Variants in ZNF704 observed in about 807,000 individuals in gnomAD.
ZNF704 encodes zinc finger protein 704, also known as glucocorticoid induced gene 1.
Under a neutral mutation model 44.7 loss-of-function variants are expected in ZNF704, and 10 were observed. The ratio of observed to expected loss-of-function variants is 0.22; its 90% CI spans 0.14 to 0.38. The LOEUF is 0.38. ZNF704 is among the 10% of genes least tolerant of loss of function. The probability of loss-of-function intolerance (pLI) is 1.00; values close to 1 mark genes in which losing one functional copy is unlikely to be tolerated. For missense variants in ZNF704, 390 were observed against 545.5 expected (o/e 0.71, Z 2.84); for synonymous variants, 211 against 207.6 (o/e 1.02, Z -0.14).
chr8:80,781,550 C>T (rs1010696928), intron 2 of ZNF704, among the ~76,000 whole-genome samples: 9 of 152,212 alleles, frequency 5.9e-5, no homozygotes, highest in African/African-American at 4.8e-5. Flanking sequence ...AGTTTGCCAA[C>T]CTCAGCTTAA....
chr8:80,698,341 T>C (rs1818757042), intron 2 of ZNF704, among the ~76,000 whole-genome samples: 1 of 152,128 alleles, frequency 6.6e-6, no homozygotes, highest in Non-Finnish European at 1.5e-5. Context: ...GAAGTGAGTA[T>C]GGGTGTTGCC....
intron 2 of ZNF704, among the ~76,000 whole-genome samples, chr8:80,706,192 G>T (rs73693833): frequency 6.6e-6 from 1 of 152,162 alleles, no homozygotes. Flanking sequence ...GTATGTTATT[G>T]CTTGGAGCCT....
intron 2 of ZNF704, among the ~76,000 whole-genome samples, chr8:80,798,398 G>A (rs888364935): frequency 3.9e-5 from 6 of 152,094 alleles, no homozygotes; most frequent in African/African-American, 1.4e-4. Context: ...TAGGATTACA[G>A]GCACTAGCCA....
chr8:80,676,562 C>A (rs1437834609), intron 4 of ZNF704, among the ~76,000 whole-genome samples: 2 of 152,142 alleles, frequency 1.3e-5, no homozygotes, highest in Non-Finnish European at 2.9e-5. Flanking sequence ...ATGACTGTTT[C>A]TAATTTTTCA....
Position 80,628,751 on chromosome 8 carries a change from T to C in ZNF704, c.*12615A>G, listed in dbSNP as rs192717105. 1.3e-4 allele frequency: 20 copies of C among 152,336 alleles called. No homozygotes were observed. The highest frequency in any genetic ancestry group is 3.6e-4 in the African/African-American group (15 of 41,576). The allele number at this position is 152,336 out of a possible 1,614,324, so 9.4% of individuals were successfully genotyped here. ...AGACGATTACTAAAGTGATTCTGACTATAAGCCTTTTCTTCTACTTAAATG... is the reference window on the plus strand; with the variant it reads ...AGACGATTACTAAAGTGATTCTGACCATAAGCCTTTTCTTCTACTTAAATG... On this transcript the variant is annotated 3_prime_UTR_variant, in exon 9 of 9. Coordinates refer to ENST00000327835, the MANE Select transcript of ZNF704 (RefSeq NM_001033723.3).
At chr8:80,688,559 T>C (rs971926845) in intron 3 of ZNF704, among the ~76,000 whole-genome samples, 1 of 152,100 alleles carries the variant, frequency 6.6e-6, no homozygotes, top group Non-Finnish European at 1.5e-5. Context: ...CAGGAAGAGG[T>C]TGGACCTATT....
At chr8:80,669,783 T>C (rs536775680) in intron 5 of ZNF704, among the ~76,000 whole-genome samples, 9 of 152,288 alleles carry the variant, frequency 5.9e-5, no homozygotes, top group Non-Finnish European at 8.8e-5. Flanking sequence ...CTGGGCAAGA[T>C]AGACTCAGGG....
chr8:80,790,837 G>A (rs774489504), intron 2 of ZNF704, among the ~76,000 whole-genome samples: 1 of 152,148 alleles, frequency 6.6e-6, no homozygotes, highest in Admixed American at 6.5e-5. Context: ...GAGGGGCAAA[G>A]TGAGAAGAGG....
At chr8:80,771,475 G>A (rs932999108) in intron 2 of ZNF704, among the ~76,000 whole-genome samples, 1 of 152,086 alleles carries the variant, frequency 6.6e-6, no homozygotes. Flanking sequence ...AAATGATACT[G>A]TATTTTAAAT....
chr8:80,671,063 T>C (rs180815039), intron 4 of ZNF704, among the ~76,000 whole-genome samples: 1 of 152,232 alleles, frequency 6.6e-6, no homozygotes, highest in South Asian at 2.1e-4. Flanking sequence ...CCAGGGACTC[T>C]GGCTCCAGAA....
chr8:80,843,739 A>G (rs1228947766), intron 1 of ZNF704, among the ~76,000 whole-genome samples: 1 of 152,184 alleles, frequency 6.6e-6, no homozygotes, highest in Admixed American at 6.5e-5. Flanking sequence ...AAGACTTCAA[A>G]GAAGATAAAA....
chr8:80,779,626 T>C (rs1186835378), intron 2 of ZNF704, among the ~76,000 whole-genome samples: 1 of 152,068 alleles, frequency 6.6e-6, no homozygotes, highest in Non-Finnish European at 1.5e-5. Flanking sequence ...TTTCTTTTAG[T>C]CATCTTCACT....
intron 2 of ZNF704, among the ~76,000 whole-genome samples, chr8:80,717,666 C>T (rs1469757060): frequency 2.0e-5 from 3 of 152,204 alleles, no homozygotes; most frequent in African/African-American, 7.2e-5. Context: ...GTTCTGTCCT[C>T]TTGTTGGGAT....
chr8:80,656,531 C>T (rs1299035431), intron 7 of ZNF704, among the ~76,000 whole-genome samples: 3 of 152,216 alleles, frequency 2.0e-5, no homozygotes, highest in East Asian at 1.9e-4. Flanking sequence ...CCTCTCCCCA[C>T]AGCCTTAGGC....
At chr8:80,644,016 G>A (rs1173942387) in intron 7 of ZNF704, among the ~76,000 whole-genome samples, 5 of 152,182 alleles carry the variant, frequency 3.3e-5, no homozygotes, top group Admixed American at 3.3e-4. Context: ...ATAAAGGCAA[G>A]AGGCAGAGAG....
At chr8:80,744,899 T>C (rs1230507145) in intron 2 of ZNF704, among the ~76,000 whole-genome samples, 1 of 152,196 alleles carries the variant, frequency 6.6e-6, no homozygotes, top group African/African-American at 2.4e-5. Context: ...TTTTTACTTA[T>C]TCCCTTGTAG....
At chr8:80,763,970 C>T (rs1434219029) in intron 2 of ZNF704, among the ~76,000 whole-genome samples, 1 of 152,212 alleles carries the variant, frequency 6.6e-6, no homozygotes, top group Non-Finnish European at 1.5e-5. Flanking sequence ...TCATCTCCAT[C>T]TGAGATCACC....
At chr8:80,718,474 G>A (rs2131667155) in intron 2 of ZNF704, among the ~76,000 whole-genome samples, 1 of 152,250 alleles carries the variant, frequency 6.6e-6, no homozygotes, top group Admixed American at 6.5e-5. Flanking sequence ...CTAGGGACTT[G>A]CTTCAGCCCG....
intron 1 of ZNF704, among the ~76,000 whole-genome samples, chr8:80,872,321 C>T (rs560575304): frequency 1.3e-5 from 2 of 152,208 alleles, no homozygotes; most frequent in Non-Finnish European, 1.5e-5. Flanking sequence ...AGAGCTGGTA[C>T]TTCCAGGGTG....
Sources: allele counts gnomAD v4.1 joint callset (sites outside exome capture counted in the v4.1 genomes callset), GRCh38; gene constraint gnomAD v4.1.1; transcripts MANE v1.5; gene names NCBI Gene and HGNC (gene_info 2026-07-23, HGNC 2026-07-21).